GALNTL6: variants seen among roughly 807,000 people sequenced by gnomAD.
GALNTL6 encodes polypeptide N-acetylgalactosaminyltransferase like 6, also known as polypeptide N-acetylgalactosaminyltransferase-like 6.
In GALNTL6, 46 loss-of-function variants were observed where a neutral mutation model predicts 73.7. The observed-to-expected ratio is 0.62, with a 90% CI of 0.49 to 0.80. GALNTL6 has a LOEUF of 0.80. GALNTL6 is among the 30% of genes least tolerant of loss of function. GALNTL6 has a pLI of 0.00. For synonymous variants in GALNTL6, 259 were observed against 263.7 expected (o/e 0.98, Z 0.17); for missense variants, 604 against 755.0 (o/e 0.80, Z 2.34).
intron 11 of GALNTL6, among the ~76,000 whole-genome samples, chr4:173,015,297 G>A (rs1221733903): frequency 1.3e-5 from 2 of 152,186 alleles, no homozygotes; most frequent in East Asian, 3.9e-4. Flanking sequence ...ACCTGAAAAT[G>A]TGGCAGCAAC....
At chr4:172,013,864 G>A (rs762440518) in intron 2 of GALNTL6, among the ~76,000 whole-genome samples, 7 of 129,838 alleles carry the variant, frequency 5.4e-5, no homozygotes, top group Non-Finnish European at 9.6e-5. Flanking sequence ...CAGCTCCTGA[G>A]CCCCCCACTA....
At chr4:172,194,309 A>G (rs1336692433) in intron 2 of GALNTL6, among the ~76,000 whole-genome samples, 2 of 152,252 alleles carry the variant, frequency 1.3e-5, no homozygotes, top group South Asian at 4.1e-4. Context: ...TTATATAAAA[A>G]GACTGAACCA....
intron 3 of GALNTL6, among the ~76,000 whole-genome samples, chr4:172,233,909 T>G (rs1289612481): frequency 3.3e-5 from 5 of 152,052 alleles, no homozygotes; most frequent in African/African-American, 1.2e-4. Flanking sequence ...TGGTACATTA[T>G]TATATTTATT....
chr4:172,807,263 G>T (rs1030808042), intron 5 of GALNTL6, among the ~76,000 whole-genome samples: 3 of 152,130 alleles, frequency 2.0e-5, no homozygotes, highest in Non-Finnish European at 4.4e-5. Flanking sequence ...GCACAATACT[G>T]CTTATATACT....
chr4:172,016,443 T>C (rs933008000), intron 2 of GALNTL6, among the ~76,000 whole-genome samples: 2 of 152,162 alleles, frequency 1.3e-5, no homozygotes, highest in Admixed American at 6.6e-5. Context: ...ATACTATCTA[T>C]TTATCTGAAA....
At chr4:172,385,197 T>C (rs1035223290) in intron 5 of GALNTL6, among the ~76,000 whole-genome samples, 1 of 152,058 alleles carries the variant, frequency 6.6e-6, no homozygotes, top group African/African-American at 2.4e-5. Flanking sequence ...TTTTATAGAC[T>C]AGCATATGGT....
chr4:172,528,329 T>TATAC, intron 5 of GALNTL6, among the ~76,000 whole-genome samples: 1 of 18,296 alleles, frequency 5.5e-5, no homozygotes, highest in Non-Finnish European at 2.0e-4. Flanking sequence ...AATATATATA[T>TATAC]ATATATATAT....
intron 5 of GALNTL6, among the ~76,000 whole-genome samples, chr4:172,428,256 G>C (rs1296243170): frequency 6.6e-6 from 1 of 152,064 alleles, no homozygotes; most frequent in Non-Finnish European, 1.5e-5. Flanking sequence ...ATAGGAGCTA[G>C]TTAAGACATG....
chr4:172,302,689 T>G (rs1193139735), intron 3 of GALNTL6, among the ~76,000 whole-genome samples: 3 of 152,244 alleles, frequency 2.0e-5, no homozygotes, highest in Non-Finnish European at 4.4e-5. Flanking sequence ...ATATTACTAT[T>G]TCTTACTTTA....
At position 172,974,600 on chromosome 4, in the gene GALNTL6, G is replaced by A. The variant is rs577404313; in HGVS notation, c.1371+22342G>A. On this transcript the variant is annotated intron_variant, in intron 10 of 12. Transcript: ENST00000506823. ...CCTTGGGGTGTTGTTTTGCCAGCCAGAAGCCTCTGTGGTATCTTTGGTAGA... is the reference window on the plus strand; with the variant it reads ...CCTTGGGGTGTTGTTTTGCCAGCCAAAAGCCTCTGTGGTATCTTTGGTAGA... Among the ~76,000 whole-genome samples the A allele has an allele frequency of 2.0e-5, 3 of 152,332 alleles. No individual in the cohort carries two copies. In the South Asian group the frequency reaches 6.2e-4, roughly 32 times the overall value.
intron 2 of GALNTL6, among the ~76,000 whole-genome samples, chr4:172,184,241 A>C (rs1735349246): frequency 6.6e-6 from 1 of 152,062 alleles, no homozygotes. Flanking sequence ...CCCCTCTAGG[A>C]GTGGGTATTT....
chr4:172,967,091 C>T (rs1046543932), intron 10 of GALNTL6, among the ~76,000 whole-genome samples: 3 of 152,214 alleles, frequency 2.0e-5, no homozygotes, highest in Non-Finnish European at 2.9e-5. Flanking sequence ...GTCTTTGATC[C>T]ACTTGATTGC....
chr4:172,386,442 A>G (rs992643406), intron 5 of GALNTL6, among the ~76,000 whole-genome samples: 2 of 152,070 alleles, frequency 1.3e-5, no homozygotes, highest in African/African-American at 4.8e-5. Flanking sequence ...TCTTCATGAG[A>G]GTATTGTTAT....
chr4:172,839,937 T>A, intron 7 of GALNTL6, among the ~76,000 whole-genome samples: 1 of 152,202 alleles, frequency 6.6e-6, no homozygotes, highest in East Asian at 1.9e-4. Context: ...AACAAATACA[T>A]AATGTTGACA....
chr4:172,173,460 C>A (rs922414988), intron 2 of GALNTL6, among the ~76,000 whole-genome samples: 4 of 152,226 alleles, frequency 2.6e-5, no homozygotes, highest in Non-Finnish European at 5.9e-5. Flanking sequence ...GCACACAGTG[C>A]ACAGGGTGCA....
At chr4:172,255,781 C>T (rs897448071) in intron 3 of GALNTL6, among the ~76,000 whole-genome samples, 1 of 151,070 alleles carries the variant, frequency 6.6e-6, no homozygotes, top group Non-Finnish European at 1.5e-5. Context: ...TCTCTAATAA[C>T]TATATTTTAT....
intron 2 of GALNTL6, among the ~76,000 whole-genome samples, chr4:172,155,226 G>A (rs1036731965): frequency 6.6e-6 from 1 of 152,148 alleles, no homozygotes; most frequent in Non-Finnish European, 1.5e-5. Context: ...TTGAACTCCA[G>A]ACTTCAAGTG....
At chr4:172,356,281 TG>T (rs1398912489) in intron 5 of GALNTL6, among the ~76,000 whole-genome samples, 2 of 152,218 alleles carry the variant, frequency 1.3e-5, no homozygotes, top group South Asian at 4.1e-4. Flanking sequence ...CTTCAGATCT[TG>T]GGCAGGCATA....
At chr4:171,925,700 A>C (rs988708028) in intron 2 of GALNTL6, among the ~76,000 whole-genome samples, 5 of 152,142 alleles carry the variant, frequency 3.3e-5, no homozygotes, top group African/African-American at 1.2e-4. Context: ...TTTAATTTGA[A>C]GCTTCAGTTG....
Sources: gnomAD v4.1 joint callset for allele counts (sites outside exome capture counted in the v4.1 genomes callset) on GRCh38, gnomAD v4.1.1 for gene constraint, MANE v1.5 for transcripts, NCBI Gene and HGNC (gene_info 2026-07-23, HGNC 2026-07-21) for gene names.